The following TPP2 variants were observed in gnomAD, a reference collection of about 807,000 sequenced individuals.
The protein encoded by TPP2 is tripeptidyl peptidase 2.
A neutral mutation model predicts 155.9 loss-of-function variants in TPP2; 34 were observed. The ratio of observed to expected loss-of-function variants is 0.22; its 90% CI spans 0.17 to 0.29. The LOEUF is 0.29. Ranked by LOEUF, TPP2 falls within the 10% of genes least tolerant of loss-of-function variation. The pLI is 1.00. For synonymous variants in TPP2, 510 were observed against 529.4 expected (o/e 0.96, Z 0.50); for missense variants, 1,028 against 1,522.3 (o/e 0.68, Z 5.40).
intron 24 of TPP2, among the ~76,000 whole-genome samples, chr13:102,653,058 G>A (rs1183240651): frequency 1.3e-5 from 2 of 152,174 alleles, no homozygotes; most frequent in African/African-American, 4.8e-5. Context: ...AGGTTGTATA[G>A]TTAGGAAAAC....
intron 19 of TPP2, among the ~76,000 whole-genome samples, chr13:102,645,798 G>A (rs1467819747): frequency 1.3e-5 from 2 of 152,146 alleles, no homozygotes; most frequent in Non-Finnish European, 2.9e-5. Context: ...CTGTACATTA[G>A]CAACTTCCTT....
chr13:102,618,924 C>T, intron 5 of TPP2, 78 bp downstream of exon 5: 1 of 1,480,338 alleles, frequency 6.8e-7, no homozygotes, highest in Non-Finnish European at 9.0e-7. Context: ...ATGCTCAGAG[C>T]TGCACAGAAT....
chr13:102,660,140 A>G (rs57595831), intron 25 of TPP2, among the ~76,000 whole-genome samples: 14,767 of 152,090 alleles, frequency 0.097, 1,060 homozygotes, highest in African/African-American at 0.2. Flanking sequence ...TCTGAAGCTG[A>G]TTCTTATAAG....
intron 10 of TPP2, among the ~76,000 whole-genome samples, chr13:102,632,689 A>G (rs113764583): frequency 7.9e-5 from 12 of 152,308 alleles, no homozygotes; most frequent in South Asian, 4.1e-4. Flanking sequence ...TCAAATACCA[A>G]TGCTCATTCT....
chr13:102,675,940 C>T (rs1595230282), intron 28 of TPP2, among the ~76,000 whole-genome samples: 1 of 151,988 alleles, frequency 6.6e-6, no homozygotes, highest in East Asian at 1.9e-4. Flanking sequence ...TGTTTTTTTA[C>T]TTCTATCCTC....
intron 5 of TPP2, 146 bp downstream of exon 5, chr13:102,618,992 G>A (rs772185373): frequency 1.1e-4 from 111 of 1,004,346 alleles, no homozygotes; most frequent in Middle Eastern, 3.1e-4. Context: ...TTGGCATCTG[G>A]GTAGTTTTGG....
In TPP2 at chr13:102,616,532, C is replaced by A. The variant is rs573171442; in HGVS notation, c.495+32C>A. The A allele has an allele frequency of 3.2e-6, 5 of 1,540,510 alleles. No homozygotes were observed. The South Asian group carries it at 4.8e-5, about 15-fold the overall frequency. ...GCTAGTCGATTTCATTTAAACATTA[C>A]CCTAGAACCATATTCCCATAGAGTT... On this transcript the variant is annotated intron_variant, in intron 4 of 29. Transcript: ENST00000376052.
At position 102,635,689 on chromosome 13, in the gene TPP2, A is replaced by G. The variant is rs1379882392; in HGVS notation, c.1496A>G (p.His499Arg). ...AATATAGAAGTATTTGCTCAAGGAC[A>G]TGGTATTATTCAGGTATTGTTGCCT... ...ADNIEVFAQGHGIIQVDKAYD... is the reference protein window; with the variant it reads ...ADNIEVFAQGRGIIQVDKAYD... Residue 499 changes from histidine to arginine, a missense_variant, in exon 12 of 30, where the codon CAT (histidine) becomes CGT (arginine). By Grantham distance (29) the His-to-Arg change is conservative (BLOSUM62 0). Coordinates refer to ENST00000376052, the MANE Select transcript of TPP2 (RefSeq NM_001330588.2). The G allele has an allele frequency of 6.2e-7, 1 of 1,612,378 alleles. No homozygotes were observed. The highest frequency in any genetic ancestry group is 8.5e-7 in the Non-Finnish European group (1 of 1,179,174).
intron 4 of TPP2, among the ~76,000 whole-genome samples, chr13:102,617,918 A>G (rs1329943594): frequency 6.6e-6 from 1 of 152,182 alleles, no homozygotes; most frequent in African/African-American, 2.4e-5. Flanking sequence ...TGGCCCATGC[A>G]CCATGATTTG....
chr13:102,661,185 A>G (rs1447572528), intron 25 of TPP2, among the ~76,000 whole-genome samples: 1 of 151,914 alleles, frequency 6.6e-6, no homozygotes, highest in Non-Finnish European at 1.5e-5. Flanking sequence ...AGTGAAAAGA[A>G]CGGCCTATTT....
chr13:102,644,664 G>T lies in TPP2; in HGVS notation c.2283G>T (p.Gln761His). 3.1e-6 allele frequency: 5 copies of T among 1,597,390 alleles called. No homozygotes were observed. Among genetic ancestry groups the T allele is most frequent in the Non-Finnish European group, 4.3e-6 (5 of 1,174,460 alleles). The change falls in exon 18 of 30, where the codon CAG (glutamine) becomes CAT (histidine). Residue 761 changes from glutamine to histidine, a missense_variant. By Grantham distance (24) the Gln-to-His change is conservative. Around this residue, in one of 7 missense-constraint regions of TPP2, gnomAD observed 325 missense variants for 463.7 expected, o/e 0.70. Coordinates refer to ENST00000376052, the MANE Select transcript of TPP2 (RefSeq NM_001330588.2). ...SFHGIVCTAP[Q>H]LNIHASEGIN... ...ATGGGATAGTGTGTACTGCTCCTCA[G>T]TTAAACATTGTAAGTTCCACAACAT...
At chr13:102,626,335 ATAG>A (rs1187702707) in intron 6 of TPP2, among the ~76,000 whole-genome samples, 1 of 152,162 alleles carries the variant, frequency 6.6e-6, no homozygotes, top group South Asian at 2.1e-4. Context: ...CTCATAGTAC[ATAG>A]TAGTAGTTTA....
chr13:102,637,250 ATCT>A lies in TPP2; in HGVS notation c.1836+14_1836+16del. 6.3e-7 allele frequency: 1 copy of A among 1,575,680 alleles called. No individual in the cohort carries two copies. On this transcript the variant is annotated intron_variant, in intron 14 of 29. Coordinates refer to ENST00000376052, the MANE Select transcript of TPP2 (RefSeq NM_001330588.2). ...TTGCATTATACAGAGGTATTGATGT[ATCT>A]TCATTTTTACTTTCTTCACTCTTTA... is the stretch of plus-strand genomic sequence containing the variant.
intron 24 of TPP2, among the ~76,000 whole-genome samples, chr13:102,655,302 G>A (rs1883782525): frequency 6.6e-6 from 1 of 152,052 alleles, no homozygotes; most frequent in African/African-American, 2.4e-5. Flanking sequence ...CGGGAGGTGA[G>A]GACTTGCAGT....
chr13:102,635,445 G>A (rs1352223803), intron 11 of TPP2, 142 bp from the exon 12 acceptor site: 1 of 575,792 alleles, frequency 1.7e-6, no homozygotes, highest in Non-Finnish European at 3.1e-6. Context: ...TTTAGTTCAG[G>A]TCTTCAAAAA....
At position 102,622,920 on chromosome 13, in the gene TPP2, A is replaced by T. The variant is rs765737542; in HGVS notation, c.664A>T (p.Thr222Ser). 29 of 1,614,038 alleles carry T rather than the reference A, an allele frequency of 1.8e-5. No individual in the cohort carries two copies. The highest frequency in any genetic ancestry group is 2.1e-5 in the Non-Finnish European group (25 of 1,180,026). ...SNEDGDLSKS[T>S]VLRNYKEAQE... The stretch of plus-strand genomic sequence containing the variant: ...TGAAGATGGGGACTTGAGTAAATCT[A>T]CCGTGTTGAGAAACTACAAAGAAGC... The change falls in exon 6 of 30, where the codon ACC becomes TCC. Residue 222 changes from threonine (T) to serine (S), a missense_variant. Physicochemically the swap from Thr to Ser is moderately conservative, Grantham distance 58. Transcript: ENST00000376052.
At chr13:102,619,718 A>G (rs1388449192) in intron 5 of TPP2, among the ~76,000 whole-genome samples, 1 of 152,244 alleles carries the variant, frequency 6.6e-6, no homozygotes, top group Non-Finnish European at 1.5e-5. Flanking sequence ...TTTGGGGATG[A>G]TGGTGTTAAT....
At chr13:102,632,172 TATTGTA>T (rs1333049113) in intron 10 of TPP2, among the ~76,000 whole-genome samples, 1 of 152,202 alleles carries the variant, frequency 6.6e-6, no homozygotes, top group Non-Finnish European at 1.5e-5. Flanking sequence ...TTTTATTATA[TATTGTA>T]ATTGAGAAGA....
At chr13:102,670,653 T>C (rs1010262477) in intron 27 of TPP2, among the ~76,000 whole-genome samples, 1 of 152,210 alleles carries the variant, frequency 6.6e-6, no homozygotes, top group Admixed American at 6.5e-5. Flanking sequence ...AGGAGTTAAA[T>C]ACCTGGGAGA....
Sources: allele counts gnomAD v4.1 joint callset (sites outside exome capture counted in the v4.1 genomes callset), GRCh38; gene constraint gnomAD v4.1.1; regional missense constraint gnomAD v4.1.1; transcripts MANE v1.5; gene names NCBI Gene and HGNC (gene_info 2026-07-23, HGNC 2026-07-21).